NBR1: variants seen among roughly 807,000 people sequenced by gnomAD.
NBR1 encodes the protein next to BRCA1 gene 1 protein.
A neutral mutation model predicts 115.5 loss-of-function variants in NBR1; 59 were observed. That is an observed-to-expected ratio of 0.51 (90% CI 0.41 to 0.63). The LOEUF is 0.63. NBR1 is among the 30% of genes least tolerant of loss of function. The pLI, the probability that NBR1 is intolerant of heterozygous loss-of-function variation, is 0.00. For synonymous variants in NBR1, 373 were observed against 414.7 expected, an observed-to-expected ratio of 0.90 and a Z score of 1.22; for missense variants, 1,043 against 1,150.5, an observed-to-expected ratio of 0.91 and a Z score of 1.35.
chr17:43,210,131 A>T lies in NBR1; in HGVS notation c.*57A>T, dbSNP rs753147817. On this transcript the variant is annotated 3_prime_UTR_variant, in exon 21 of 21. Coordinates refer to ENST00000590996, the MANE Select transcript of NBR1 (RefSeq NM_005899.5). ...GCTCAGAGATGATCTTTATTCTGTC[A>T]TTGGGGTATGGGATAGAAGCCCTTG... The T allele has an allele frequency of 6.6e-7, 1 of 1,522,770 alleles. No homozygotes were observed. Among genetic ancestry groups the T allele is most frequent in the Non-Finnish European group, 8.9e-7 (1 of 1,119,810 alleles). 94.3% of individuals were successfully genotyped at this position (1,522,770 alleles called of 1,614,324 possible).
Position 43,174,425 on chromosome 17 carries a change from G to A in NBR1, c.-9-1366G>A, listed in dbSNP as rs149950612. 8.9e-3 allele frequency among the ~76,000 whole-genome samples: 1,359 copies of A among 151,988 alleles called. 19 individuals are homozygous for A. Among genetic ancestry groups the A allele is most frequent in the African/African-American group, 0.031 (1,284 of 41,450 alleles). ...ATCCTGGCTATCACGGTGAAACCCC[G>A]TCTCTACTAAAAATACAAAAAAATT... On this transcript the variant is annotated intron_variant, in intron 1 of 20. Coordinates refer to ENST00000590996, the MANE Select transcript of NBR1 (RefSeq NM_005899.5).
chr17:43,195,087 A>C, intron 14 of NBR1, 48 bp downstream of exon 14: 1 of 1,422,500 alleles, frequency 7.0e-7, no homozygotes, highest in Non-Finnish European at 9.9e-7. Flanking sequence ...AATAGGCACA[A>C]AAGTACCACA....
intron 3 of NBR1, 86 bp downstream of exon 3, chr17:43,178,084 A>G (rs1474729141): frequency 6.9e-7 from 1 of 1,446,244 alleles, no homozygotes; most frequent in Non-Finnish European, 9.4e-7. Flanking sequence ...AATTCAAAAT[A>G]GTGTTTAGCT....
intron 4 of NBR1, among the ~76,000 whole-genome samples, chr17:43,180,406 A>C (rs2154581991): frequency 6.6e-6 from 1 of 152,344 alleles, no homozygotes; most frequent in African/African-American, 2.4e-5. Flanking sequence ...TAGAAAAGGT[A>C]CAGTAAAAAT....
chr17:43,182,324 T>G (rs2056691050), intron 5 of NBR1, among the ~76,000 whole-genome samples: 1 of 146,962 alleles, frequency 6.8e-6, no homozygotes, highest in South Asian at 2.1e-4. Context: ...TTCAAGTGAG[T>G]CTCATGCCTC....
rs1463912621 is a variant in NBR1 at position 43,190,783 on chromosome 17, C to A, written c.863+7C>A. The A allele has an allele frequency of 1.3e-6, 2 of 1,583,696 alleles. No individual in the cohort carries two copies. Among genetic ancestry groups the A allele is most frequent in the Non-Finnish European group, 1.7e-6 (2 of 1,163,810 alleles). On this transcript the variant is annotated splice_region_variant and intron_variant, in intron 9 of 20. Transcript: ENST00000590996. Reference sequence around the variant, plus strand: ...CTGCTCTGGAACAAGTCAGGTAAAACCCTCTACATGGAGATGCTTATTCTC... The same window carrying A: ...CTGCTCTGGAACAAGTCAGGTAAAAACCTCTACATGGAGATGCTTATTCTC...
chr17:43,171,892 C>T (rs765020234), intron 1 of NBR1, among the ~76,000 whole-genome samples: 3 of 152,174 alleles, frequency 2.0e-5, no homozygotes, highest in Non-Finnish European at 4.4e-5. Context: ...ATCCTCGTGC[C>T]TTGGCCTCCC....
chr17:43,174,429 C>G (rs1175640302), intron 1 of NBR1, among the ~76,000 whole-genome samples: 1 of 152,024 alleles, frequency 6.6e-6, no homozygotes, highest in Non-Finnish European at 1.5e-5. Flanking sequence ...AACCCCGTCT[C>G]TACTAAAAAT....
intron 14 of NBR1, chr17:43,195,643 C>T (rs1383943281): frequency 1.9e-5 from 2 of 102,966 alleles, no homozygotes; most frequent in Admixed American, 1.2e-4. Context: ...AAGAGCAAAA[C>T]TCCGTCTCAA....
rs1359037440 is a variant in NBR1 at position 43,193,423 on chromosome 17, G to A, written c.1309G>A (p.Gly437Ser). 4.3e-6 allele frequency: 7 copies of A among 1,613,828 alleles called. No homozygotes were observed. Among genetic ancestry groups the A allele is most frequent in the Non-Finnish European group, 5.9e-6 (7 of 1,179,898 alleles). ...TGTTTTGGTTCCCTGCCTCAAGGCC[G>A]GCCATGTGGGAGTTGTATCTGTGGA... The part of the protein sequence containing the change: ...KDVLVPCLKA[G>S]HVGVVSVEFI... Residue 437 changes from glycine to serine, a missense_variant, in exon 12 of 21, where the codon GGC (glycine) becomes AGC (serine). By Grantham distance (56) the Gly-to-Ser change is moderately conservative. Coordinates refer to ENST00000590996, the MANE Select transcript of NBR1 (RefSeq NM_005899.5).
intron 10 of NBR1, among the ~76,000 whole-genome samples, chr17:43,192,314 G>A (rs1348631048): frequency 6.6e-6 from 1 of 151,954 alleles, no homozygotes; most frequent in Non-Finnish European, 1.5e-5. Flanking sequence ...GAGCCACTGC[G>A]CCTGCCTGGC....
At chr17:43,206,978 T>C (rs1181480110) in intron 20 of NBR1, among the ~76,000 whole-genome samples, 1 of 151,878 alleles carries the variant, frequency 6.6e-6, no homozygotes, top group East Asian at 1.9e-4. Flanking sequence ...GGTGGGAGAA[T>C]AGCTTGAGCC....
chr17:43,195,275 G>A lies in NBR1; in HGVS notation c.1750+236G>A. On this transcript the variant is annotated intron_variant, in intron 14 of 20. Transcript: ENST00000590996. The stretch of plus-strand genomic sequence containing the variant: ...CCCAGCTCTTTGGGAGGCCAAGGCA[G>A]GAGGATCACTTGAGGCCAGGGTTTG... 1.8e-5 allele frequency: 9 copies of A among 489,958 alleles called. No homozygotes were observed. In the South Asian group the frequency reaches 2.2e-4, roughly 12 times the overall value. 30.4% of individuals were successfully genotyped at this position (489,958 alleles called of 1,614,324 possible).
rs553769709 is a variant in NBR1 at position 43,182,279 on chromosome 17, G to A, written c.207+1462G>A. 7.0e-5 allele frequency among the ~76,000 whole-genome samples: 10 copies of A among 142,456 alleles called. No individual in the cohort carries two copies. In the South Asian group the frequency reaches 1.3e-3, roughly 19 times the overall value. 93.5% of individuals were successfully genotyped at this position (142,456 alleles called of 152,430 possible). A position where few individuals can be genotyped will look rare whatever the true frequency, so the allele number is the denominator to read the frequency against. ...GTCGCTCAGGCTGGAGTGCGGTGGC[G>A]CAATCTTGGCTCACTGCAACCTCCA... On this transcript the variant is annotated intron_variant, in intron 5 of 20. Transcript: ENST00000590996.
chr17:43,204,001 G>T (rs973929719), intron 20 of NBR1, among the ~76,000 whole-genome samples: 1 of 149,946 alleles, frequency 6.7e-6, no homozygotes, highest in East Asian at 2.0e-4. Flanking sequence ...GCAGTGGCGC[G>T]ATCTCGGCTC....
chr17:43,176,045 G>T, intron 2 of NBR1, 144 bp downstream of exon 2: 1 of 552,658 alleles, frequency 1.8e-6, no homozygotes, highest in South Asian at 2.7e-5. Context: ...GCTTTTGATA[G>T]GGTTTCAGTA....
intron 1 of NBR1, among the ~76,000 whole-genome samples, chr17:43,174,777 A>T (rs1402914601): frequency 1.3e-5 from 2 of 151,752 alleles, no homozygotes; most frequent in Non-Finnish European, 2.9e-5. Context: ...CCACTTTTAT[A>T]TATGTTTGAA....
chr17:43,178,855 T>C (rs2056593592), intron 3 of NBR1, among the ~76,000 whole-genome samples: 1 of 151,514 alleles, frequency 6.6e-6, no homozygotes, highest in East Asian at 1.9e-4. Context: ...CTAGAGCTCC[T>C]GGGTTCAAGG....
chr17:43,210,136 G>A lies in NBR1; in HGVS notation c.*62G>A. On this transcript the variant is annotated 3_prime_UTR_variant, in exon 21 of 21. Coordinates refer to ENST00000590996, the MANE Select transcript of NBR1 (RefSeq NM_005899.5). ...GAGATGATCTTTATTCTGTCATTGG[G>A]GTATGGGATAGAAGCCCTTGCTTAT... 1 of 1,495,526 alleles carries A rather than the reference G, an allele frequency of 6.7e-7. No homozygotes were observed. The highest frequency in any genetic ancestry group is 9.1e-7 in the Non-Finnish European group (1 of 1,102,566). The allele number at this position is 1,495,526 out of a possible 1,614,324, so 92.6% of individuals were successfully genotyped here.
Sources: gnomAD v4.1 joint callset for allele counts (sites outside exome capture counted in the v4.1 genomes callset) on GRCh38, gnomAD v4.1.1 for gene constraint, MANE v1.5 for transcripts, NCBI Gene and HGNC (gene_info 2026-07-23, HGNC 2026-07-21) for gene names.